Variants in RUVBL1 observed in about 807,000 individuals in gnomAD.
RUVBL1 encodes the protein ruvB-like 1.
Under a neutral mutation model 52.4 loss-of-function variants are expected in RUVBL1, and 4 were observed. The ratio of observed to expected loss-of-function variants is 0.08; its 90% CI spans 0.04 to 0.17. The LOEUF is 0.17. RUVBL1 is among the 10% of genes least tolerant of loss of function. RUVBL1 has a pLI of 1.00. For missense variants in RUVBL1, 298 were observed against 572.8 expected, an observed-to-expected ratio of 0.52 and a Z score of 4.90; for synonymous variants, 217 against 214.4, an observed-to-expected ratio of 1.01 and a Z score of -0.10.
Position 128,082,491 on chromosome 3 carries a change from G to C in RUVBL1, c.1203C>G (p.Thr401=), listed in dbSNP as rs200201037. The part of the protein sequence containing the change: ...LNHLGEIGTK[T]TLRYSVQLLT... The stretch of plus-strand genomic sequence containing the variant: ...CCAGGGTACCAGCTCACCTCAGTGT[G>C]GTCTTGGTGCCAATCTCCCCCAGGT... Residue 401 remains threonine (T), a synonymous_variant, in exon 10 of 11, where the codon ACC becomes ACG. Transcript: ENST00000322623. The surrounding 1 kb of genome is among the most constrained non-coding windows in gnomAD (Gnocchi z 4.7). 2 of 1,613,314 alleles carry C rather than the reference G, an allele frequency of 1.2e-6. No individual in the cohort carries two copies. Among genetic ancestry groups the C allele is most frequent in the Non-Finnish European group, 1.7e-6 (2 of 1,179,510 alleles).
At chr3:128,119,919 C>T (rs918125552) in intron 1 of RUVBL1, among the ~76,000 whole-genome samples, 2 of 152,146 alleles carry the variant, frequency 1.3e-5, no homozygotes, top group Non-Finnish European at 1.5e-5. Flanking sequence ...GCGGCCAGAA[C>T]GCAGAACAGG....
intron 1 of RUVBL1, among the ~76,000 whole-genome samples, chr3:128,148,358 T>C (rs1448723734): frequency 7.9e-5 from 12 of 152,090 alleles, no homozygotes; most frequent in African/African-American, 2.9e-4. Flanking sequence ...GGATGTGGTG[T>C]ATGAAAGAAA....
At chr3:128,150,861 A>C (rs1944185780) in intron 1 of RUVBL1, among the ~76,000 whole-genome samples, 1 of 73,986 alleles carries the variant, frequency 1.4e-5, no homozygotes, top group Non-Finnish European at 2.3e-5. Context: ...TATATATTAT[A>C]TATTATATAT....
chr3:128,100,755 A>T lies in RUVBL1; in HGVS notation c.604-11T>A. On this transcript the variant is annotated splice_polypyrimidine_tract_variant and intron_variant, in intron 5 of 10. Transcript: ENST00000322623. Reference sequence around the variant, plus strand: ...ACACCTGCCCTGCCTCTGCAAAAAGAGAGAAACATGAGTGCCTGGTAAGTT... The same window carrying T: ...ACACCTGCCCTGCCTCTGCAAAAAGTGAGAAACATGAGTGCCTGGTAAGTT... 6.2e-7 allele frequency: 1 copy of T among 1,613,614 alleles called. No homozygotes were observed. The highest frequency in any genetic ancestry group is 8.5e-7 in the Non-Finnish European group (1 of 1,179,868).
At chr3:128,101,520 CA>C in intron 5 of RUVBL1, 38 bp downstream of exon 5, 1 of 1,592,696 alleles carries the variant, frequency 6.3e-7, no homozygotes, top group East Asian at 2.2e-5. Context: ...TCATGGCAAA[CA>C]AATCAGGGAC....
At chr3:128,094,971 A>G (rs1272631532) in intron 8 of RUVBL1, among the ~76,000 whole-genome samples, 2 of 152,214 alleles carry the variant, frequency 1.3e-5, no homozygotes, top group African/African-American at 4.8e-5. Context: ...AAACAACCGA[A>G]TCTGCGTTAC....
chr3:128,151,332 TG>T, intron 1 of RUVBL1, among the ~76,000 whole-genome samples: 1 of 149,458 alleles, frequency 6.7e-6, no homozygotes, highest in Non-Finnish European at 1.5e-5. Context: ...CCCAAAGTGC[TG>T]GGATTACAGG....
Position 128,088,778 on chromosome 3 carries a change from TTAA to T in RUVBL1, c.1017-973_1017-971del, listed in dbSNP as rs1242122627. 2.0e-5 allele frequency among the ~76,000 whole-genome samples: 3 copies of T among 152,270 alleles called. No individual in the cohort carries two copies. The East Asian group carries it at 5.8e-4, about 29-fold the overall frequency. ...CTACTGCACCTGGCTTGCAACAGTC[TTAA>T]TAATTATGTTTAATATTTACTTAAC... is the stretch of plus-strand genomic sequence containing the variant. On this transcript the variant is annotated intron_variant, in intron 8 of 10. Transcript: ENST00000322623.
chr3:128,105,151 T>G (rs1435235517), intron 3 of RUVBL1, among the ~76,000 whole-genome samples: 1 of 151,118 alleles, frequency 6.6e-6, no homozygotes, highest in Non-Finnish European at 1.5e-5. Flanking sequence ...CTCGCTCTGT[T>G]GCCCAGGCTG....
At chr3:128,069,468 TC>T in intron 9 of RUVBL1, 1 of 1,607,834 alleles carries the variant, frequency 6.2e-7, no homozygotes, top group Non-Finnish European at 8.5e-7. Context: ...CTGTGTCCCC[TC>T]CCCCAGGTAC....
At chr3:128,099,475 T>C (rs2107689384) in intron 6 of RUVBL1, among the ~76,000 whole-genome samples, 1 of 152,286 alleles carries the variant, frequency 6.6e-6, no homozygotes, top group African/African-American at 2.4e-5. Flanking sequence ...TATACCATGA[T>C]TATATTGCTG....
intron 9 of RUVBL1, chr3:128,070,027 T>C (rs1340211768): frequency 1.7e-5 from 3 of 175,226 alleles, no homozygotes; most frequent in Non-Finnish European, 3.6e-5. Flanking sequence ...CTCACTCTGG[T>C]TGGAAGCACA....
chr3:128,096,783 C>T (rs978181299), intron 8 of RUVBL1, among the ~76,000 whole-genome samples: 1 of 151,530 alleles, frequency 6.6e-6, no homozygotes, highest in East Asian at 1.9e-4. Flanking sequence ...GCCGAGATCG[C>T]GCCACTGCAC....
intron 8 of RUVBL1, among the ~76,000 whole-genome samples, chr3:128,092,398 A>G (rs1241747897): frequency 6.6e-6 from 1 of 152,188 alleles, no homozygotes; most frequent in Non-Finnish European, 1.5e-5. Context: ...AAAAGACACT[A>G]TCAAGAAACT....
In RUVBL1 at chr3:128,104,866, C is replaced by G. The variant is rs111668099; in HGVS notation, c.420G>C (p.Pro140=). 3 of 1,613,536 alleles carry G rather than the reference C, an allele frequency of 1.9e-6. No homozygotes were observed. Among genetic ancestry groups the G allele is most frequent in the Non-Finnish European group, 2.5e-6 (3 of 1,179,486 alleles). Residue 140 remains proline (P), a synonymous_variant, in exon 4 of 11, where the codon CCG becomes CCC. Transcript: ENST00000322623. ...CTCCCATGGGATTCTCTGTCTCACA[C>G]GGAGTTAGCTCTGTGACTTCACCTT... is the stretch of plus-strand genomic sequence containing the variant. ...VYEGEVTELT[P]CETENPMGGY... is the part of the protein sequence containing the mutation.
At chr3:128,145,631 G>A (rs887075587) in intron 1 of RUVBL1, among the ~76,000 whole-genome samples, 21 of 152,006 alleles carry the variant, frequency 1.4e-4, no homozygotes, top group Non-Finnish European at 2.8e-4. Flanking sequence ...GGAGAGAAAC[G>A]GAGAGGAGCA....
intron 9 of RUVBL1, chr3:128,083,997 G>A (rs1249884218): frequency 6.6e-6 from 1 of 152,332 alleles, no homozygotes; most frequent in African/African-American, 2.4e-5. Flanking sequence ...AGAATTGCTT[G>A]AACCCGGGAG....
intron 1 of RUVBL1, among the ~76,000 whole-genome samples, chr3:128,152,144 G>C (rs1944228036): frequency 6.6e-6 from 1 of 152,184 alleles, no homozygotes; most frequent in African/African-American, 2.4e-5. Flanking sequence ...ACTTAGGTTT[G>C]TTACCTCTGG....
At chr3:128,126,648 G>A (rs546854985), upstream of RUVBL1, among the ~76,000 whole-genome samples, 1 of 152,292 alleles carries the variant, frequency 6.6e-6, no homozygotes, top group Non-Finnish European at 1.5e-5. Flanking sequence ...GTCACAAATT[G>A]AGCAAATGCC....
Sources: gnomAD v4.1 joint callset for allele counts (sites outside exome capture counted in the v4.1 genomes callset) on GRCh38, gnomAD v4.1.1 for gene constraint, Gnocchi (gnomAD v3.1) non-coding constraint, MANE v1.5 for transcripts, NCBI Gene and HGNC (gene_info 2026-07-23, HGNC 2026-07-21) for gene names.